Variants in IMMP2L observed in about 807,000 individuals in gnomAD.
IMMP2L encodes inner mitochondrial membrane peptidase subunit 2, also known as mitochondrial inner membrane protease subunit 2.
IMMP2L carries 18 observed loss-of-function variants against 19.3 expected under a neutral mutation model. The ratio of observed to expected loss-of-function variants is 0.93; its 90% CI spans 0.64 to 1.38. The LOEUF is 1.38. Among genes scored for constraint, IMMP2L ranks in the 40% most tolerant of loss-of-function variants. The probability of loss-of-function intolerance (pLI) is 0.00; values close to 1 mark genes in which losing one functional copy is unlikely to be tolerated. For missense variants in IMMP2L, 233 were observed against 218.2 expected (o/e 1.07, Z -0.43); for synonymous variants, 76 against 73.0 (o/e 1.04, Z -0.21).
intron 3 of IMMP2L, among the ~76,000 whole-genome samples, chr7:111,008,159 A>C (rs1274033287): frequency 6.6e-6 from 1 of 151,966 alleles, no homozygotes; most frequent in Non-Finnish European, 1.5e-5. Context: ...TATTTTCAAC[A>C]TGATGCCAAT....
chr7:111,489,242 A>G (rs1022733447), intron 2 of IMMP2L, among the ~76,000 whole-genome samples: 1 of 151,584 alleles, frequency 6.6e-6, no homozygotes, highest in African/African-American at 2.4e-5. Context: ...ACGGGGTTTC[A>G]CCATGTTAGC....
chr7:111,281,214 GA>G (rs376187303), intron 3 of IMMP2L, among the ~76,000 whole-genome samples: 3 of 30,814 alleles, frequency 9.7e-5, no homozygotes, highest in Non-Finnish European at 1.4e-4. Flanking sequence ...AAGAAAGAAA[GA>G]AAAAGAAAGA....
At chr7:111,083,699 C>T (rs1184779636) in intron 3 of IMMP2L, among the ~76,000 whole-genome samples, 1 of 152,188 alleles carries the variant, frequency 6.6e-6, no homozygotes. Context: ...CCTCACGGTA[C>T]TGTAAGAATG....
Position 111,481,089 on chromosome 7 carries a change from A to G in IMMP2L, c.239+6149T>C, listed in dbSNP as rs185116695. Among the ~76,000 whole-genome samples, 162 of 152,312 alleles carry G rather than the reference A, an allele frequency of 1.1e-3. 1 individual carries two copies. Among genetic ancestry groups the G allele is most frequent in the Middle Eastern group, 6.8e-3 (2 of 294 alleles). ...CCACCACACTGGCCATCTATCAGAA[A>G]GTGGTAATGAGTTTAGCATGACAAA... is the stretch of plus-strand genomic sequence containing the variant. On this transcript the variant is annotated intron_variant, in intron 3 of 5. Transcript: ENST00000405709.
At position 111,210,706 on chromosome 7, in the gene IMMP2L, C is replaced by CA. The variant is rs112190331; in HGVS notation, c.240-247142dup. On this transcript the variant is annotated intron_variant, in intron 3 of 5. Coordinates refer to ENST00000405709, the MANE Select transcript of IMMP2L (RefSeq NM_032549.4). The stretch of plus-strand genomic sequence containing the variant: ...AAGACTGCCCTGAAGGGAAGGTATT[C>CA]AAAAAAAACAAAAACTGCTCTTAAT... Among the ~76,000 whole-genome samples, 556 of 151,064 alleles carry CA rather than the reference C, an allele frequency of 3.7e-3. 1 individual carries two copies. Among genetic ancestry groups the CA allele is most frequent in the African/African-American group, 0.012 (510 of 41,156 alleles).
chr7:110,960,028 C>T (rs1818769542), intron 4 of IMMP2L, among the ~76,000 whole-genome samples: 3 of 152,052 alleles, frequency 2.0e-5, no homozygotes, highest in South Asian at 2.1e-4. Flanking sequence ...GACTGTTCAG[C>T]TAGTGACCAA....
chr7:111,472,078 C>A (rs1841322040), intron 3 of IMMP2L, among the ~76,000 whole-genome samples: 1 of 152,016 alleles, frequency 6.6e-6, no homozygotes, highest in African/African-American at 2.4e-5. Context: ...ATCTTAAAAT[C>A]ATAATCTCCA....
At chr7:110,935,193 T>G (rs1815968079) in intron 4 of IMMP2L, among the ~76,000 whole-genome samples, 1 of 152,166 alleles carries the variant, frequency 6.6e-6, no homozygotes, top group African/African-American at 2.4e-5. Flanking sequence ...GCAGGCCTGG[T>G]GGTGACAAAA....
chr7:111,027,237 G>C (rs1377130050), intron 3 of IMMP2L, among the ~76,000 whole-genome samples: 1 of 152,070 alleles, frequency 6.6e-6, no homozygotes, highest in African/African-American at 2.4e-5. Context: ...TATATCACTG[G>C]TAAGGGCTGA....
intron 3 of IMMP2L, among the ~76,000 whole-genome samples, chr7:111,349,436 TA>T (rs2130868413): frequency 1.3e-5 from 2 of 152,294 alleles, no homozygotes; most frequent in African/African-American, 4.8e-5. Flanking sequence ...AAAATAGTTT[TA>T]AATTTTTGAG....
rs115338628 is a variant in IMMP2L at position 111,424,250 on chromosome 7, C to T, written c.239+62988G>A. ...GTATCTCCACCGTTTAACACTGTTA[C>T]AACGCAAGTGCACAACAAATATCTG... On this transcript the variant is annotated intron_variant, in intron 3 of 5. Coordinates refer to ENST00000405709, the MANE Select transcript of IMMP2L (RefSeq NM_032549.4). Among the ~76,000 whole-genome samples the T allele has an allele frequency of 8.6e-5, 13 of 151,768 alleles. 1 individual carries two copies. The highest frequency in any genetic ancestry group is 3.2e-4 in the African/African-American group (13 of 41,196).
intron 3 of IMMP2L, among the ~76,000 whole-genome samples, chr7:111,279,723 G>A (rs2130569696): frequency 6.6e-6 from 1 of 152,186 alleles, no homozygotes; most frequent in South Asian, 2.1e-4. Context: ...AACCTCTTTT[G>A]CTTGAAGAAC....
At chr7:110,793,396 G>C (rs1312946077) in intron 5 of IMMP2L, among the ~76,000 whole-genome samples, 1 of 150,732 alleles carries the variant, frequency 6.6e-6, no homozygotes, top group South Asian at 2.1e-4. Flanking sequence ...CTCTAGCCTG[G>C]GCAACAGAGC....
intron 5 of IMMP2L, among the ~76,000 whole-genome samples, chr7:110,852,025 C>G (rs563765508): frequency 7.2e-5 from 11 of 152,138 alleles, no homozygotes; most frequent in Non-Finnish European, 1.2e-4. Context: ...GGCTGTAATA[C>G]AAAAGGTGAT....
chr7:111,354,690 G>A (rs1828521419), intron 3 of IMMP2L, among the ~76,000 whole-genome samples: 2 of 151,392 alleles, frequency 1.3e-5, no homozygotes, highest in South Asian at 4.2e-4. Context: ...AAATATGGTT[G>A]GAATCAAGAT....
In IMMP2L at chr7:111,141,550, G is replaced by C. The variant is rs147906893; in HGVS notation, c.240-177985C>G. ...ACCTACAATAATTTATTCCCAAACT[G>C]TCTATAGAATTATAAATCTGCAAAC... On this transcript the variant is annotated intron_variant, in intron 3 of 5. Transcript: ENST00000405709. 9.4e-3 allele frequency among the ~76,000 whole-genome samples: 1,421 copies of C among 151,380 alleles called. 22 individuals are homozygous for C. Among genetic ancestry groups the C allele is most frequent in the African/African-American group, 0.032 (1,317 of 41,080 alleles).
Position 110,886,609 on chromosome 7 carries a change from C to T in IMMP2L, c.392G>A (p.Ser131Asn). 6.3e-7 allele frequency: 1 copy of T among 1,595,566 alleles called. No individual in the cohort carries two copies. The highest frequency in any genetic ancestry group is 8.6e-7 in the Non-Finnish European group (1 of 1,163,300). Residue 131 changes from serine to asparagine, a missense_variant, in exon 5 of 6, where the codon AGT becomes AAT. Ser to Asn is a conservative substitution (Grantham distance 46). Coordinates refer to ENST00000405709, the MANE Select transcript of IMMP2L (RefSeq NM_032549.4). The part of the protein sequence containing the change: ...EGDHHGHSFD[S>N]NSFGPVSLGL... The stretch of plus-strand genomic sequence containing the variant: ...ATGACTTACCGGCCCAAAAGAATTA[C>T]TGTCAAAACTGTGTCCATGATGATC...
Position 111,453,526 on chromosome 7 carries a change from C to T in IMMP2L, c.239+33712G>A, listed in dbSNP as rs192284118. On this transcript the variant is annotated intron_variant, in intron 3 of 5. Transcript: ENST00000405709. The stretch of plus-strand genomic sequence containing the variant: ...TGTAAATTGGAGCATTGTTTCATAT[C>T]GGTATCATTGGAGCATTGTTTGATA... Among the ~76,000 whole-genome samples, 186 of 152,176 alleles carry T rather than the reference C, an allele frequency of 1.2e-3. 2 individuals carry two copies. The highest frequency in any genetic ancestry group is 2.0e-3 in the Non-Finnish European group (138 of 68,000).
chr7:110,754,359 A>C (rs1797914860), intron 5 of IMMP2L, among the ~76,000 whole-genome samples: 1 of 152,070 alleles, frequency 6.6e-6, no homozygotes, highest in South Asian at 2.1e-4. Flanking sequence ...CCTTGTTCAG[A>C]AAGTCCAGAT....
Sources: gnomAD v4.1 joint callset for allele counts (sites outside exome capture counted in the v4.1 genomes callset) on GRCh38, gnomAD v4.1.1 for gene constraint, MANE v1.5 for transcripts, NCBI Gene and HGNC (gene_info 2026-07-23, HGNC 2026-07-21) for gene names.